WFDC9: variants seen among roughly 807,000 people sequenced by gnomAD.
The protein encoded by WFDC9 is WAP four-disulfide core domain 9, also known as protein WFDC9.
WFDC9 carries 9 observed loss-of-function variants against 9.5 expected under a neutral mutation model. The ratio of observed to expected loss-of-function variants is 0.95; its 90% CI spans 0.57 to 1.65. The LOEUF (loss-of-function observed/expected upper bound fraction) is 1.65, where lower values mean the gene tolerates loss of function less well. Ranked by LOEUF, WFDC9 falls within the 40% of genes most tolerant of loss-of-function variation. The probability of loss-of-function intolerance (pLI) is 0.00; values close to 1 mark genes in which losing one functional copy is unlikely to be tolerated. For missense variants in WFDC9, 87 were observed against 106.7 expected (o/e 0.82, Z 0.81); for synonymous variants, 33 against 32.3 (o/e 1.02, Z -0.07).
At chr20:45,608,180 A>C (rs778078534) in intron 4 of WFDC9, 40 bp from the exon 5 acceptor site, 14 of 1,591,076 alleles carry the variant, frequency 8.8e-6, no homozygotes, top group African/African-American at 1.4e-5. Flanking sequence ...GAATCCTGGG[A>C]TAAATCCATT....
intron 2 of WFDC9, among the ~76,000 whole-genome samples, chr20:45,610,803 G>A (rs1981843635): frequency 6.6e-6 from 1 of 152,194 alleles, no homozygotes; most frequent in Non-Finnish European, 1.5e-5. Context: ...TCCAAAGTTG[G>A]AGGAATTGTA....
At chr20:45,613,539 A>C (rs922639092) in intron 2 of WFDC9, among the ~76,000 whole-genome samples, 1 of 152,216 alleles carries the variant, frequency 6.6e-6, no homozygotes, top group Admixed American at 6.5e-5. Context: ...CAGAGGCAAA[A>C]GCAGCAACAT....
At position 45,614,974 on chromosome 20, in the gene WFDC9, C is replaced by T. The variant is rs192166946; in HGVS notation, c.-152-253G>A. ...CCCAGCAGACCCAAAGTACATGTTC[C>T]CAAAGTCTCTCAAATACATCTCAGT... On this transcript the variant is annotated intron_variant, in intron 1 of 4. Transcript: ENST00000326000. Among the ~76,000 whole-genome samples the T allele has an allele frequency of 5.3e-5, 8 of 152,212 alleles. No individual in the cohort carries two copies. The East Asian group carries it at 1.5e-3, about 29-fold the overall frequency.
chr20:45,617,093 A>G (rs906087862), intron 1 of WFDC9, among the ~76,000 whole-genome samples: 1 of 152,154 alleles, frequency 6.6e-6, no homozygotes, highest in Non-Finnish European at 1.5e-5. Flanking sequence ...TATTGTAGCC[A>G]CCTTCATCAA....
Position 45,616,778 on chromosome 20 carries a change from G to T in WFDC9, c.-152-2057C>A, listed in dbSNP as rs556558762. 2.0e-5 allele frequency among the ~76,000 whole-genome samples: 3 copies of T among 152,168 alleles called. 1 individual carries two copies. Among genetic ancestry groups the T allele is most frequent in the East Asian group, 1.9e-4 (1 of 5,182 alleles). ...TGACCAAAATCTTTTTTTCTGAGCC[G>T]TAGGCCTCAACAGTGGGCTTAAAAT... On this transcript the variant is annotated intron_variant, in intron 1 of 4. Coordinates refer to ENST00000326000, the MANE Select transcript of WFDC9 (RefSeq NM_147198.4).
At chr20:45,621,195 T>G (rs1982089842) in intron 1 of WFDC9, among the ~76,000 whole-genome samples, 1 of 152,242 alleles carries the variant, frequency 6.6e-6, no homozygotes, top group African/African-American at 2.4e-5. Context: ...CTTAAAGATT[T>G]CTAAAACTTC....
intron 3 of WFDC9, among the ~76,000 whole-genome samples, chr20:45,609,044 C>T (rs1008679010): frequency 1.4e-4 from 21 of 152,092 alleles, no homozygotes; most frequent in African/African-American, 4.1e-4. Flanking sequence ...AAAGATAGGA[C>T]CTGGGACACC....
At chr20:45,613,477 C>T (rs1981904485) in intron 2 of WFDC9, among the ~76,000 whole-genome samples, 1 of 152,188 alleles carries the variant, frequency 6.6e-6, no homozygotes, top group Non-Finnish European at 1.5e-5. Context: ...GTTTTAGGCA[C>T]ATGTCATTAG....
At chr20:45,629,628 C>T (rs1600925872) in intron 1 of WFDC9, 5 of 574,490 alleles carry the variant, frequency 8.7e-6, no homozygotes, top group Middle Eastern at 3.3e-4. Context: ...TCCCACATGA[C>T]GAACGACAAG....
intron 1 of WFDC9, among the ~76,000 whole-genome samples, chr20:45,622,159 GT>G (rs1282554696): frequency 6.7e-6 from 1 of 148,430 alleles, no homozygotes; most frequent in Non-Finnish European, 1.5e-5. Context: ...CACTTGAAAA[GT>G]TTTTACCTTA....
intron 3 of WFDC9, among the ~76,000 whole-genome samples, chr20:45,609,047 G>T (rs1354740880): frequency 6.6e-6 from 1 of 152,038 alleles, no homozygotes; most frequent in African/African-American, 2.4e-5. Flanking sequence ...GATAGGACCT[G>T]GGACACCCTG....
chr20:45,608,862 A>C (rs1600915685), intron 3 of WFDC9, 52 bp from the exon 4 acceptor site: 1 of 1,538,246 alleles, frequency 6.5e-7, no homozygotes, highest in Non-Finnish European at 8.7e-7. Context: ...CAGACAAGAA[A>C]CCTTTTCTAA....
intron 4 of WFDC9, 132 bp downstream of exon 4, chr20:45,608,531 G>A: frequency 1.8e-6 from 2 of 1,126,028 alleles, no homozygotes. Context: ...TAGGTTTGGA[G>A]ATAGGAGGAC....
chr20:45,625,684 G>A (rs6104252), intron 1 of WFDC9, among the ~76,000 whole-genome samples: 26,572 of 151,804 alleles, frequency 0.18, 2,504 homozygotes, highest in East Asian at 0.32. Flanking sequence ...TCTGCATATG[G>A]ATATCCAGTT....
chr20:45,628,327 C>T (rs1010810622), intron 1 of WFDC9, among the ~76,000 whole-genome samples: 4 of 152,158 alleles, frequency 2.6e-5, no homozygotes, highest in African/African-American at 9.7e-5. Flanking sequence ...TTGTTGTCAT[C>T]TATACTGAGC....
At chr20:45,624,930 G>T (rs1051898892) in intron 1 of WFDC9, among the ~76,000 whole-genome samples, 1 of 152,002 alleles carries the variant, frequency 6.6e-6, no homozygotes, top group Non-Finnish European at 1.5e-5. Context: ...TTTTTAAATT[G>T]GATTGTTTGT....
chr20:45,624,313 G>C (rs527645313), intron 1 of WFDC9, among the ~76,000 whole-genome samples: 1 of 152,200 alleles, frequency 6.6e-6, no homozygotes, highest in Non-Finnish European at 1.5e-5. Context: ...GTGAGACTAT[G>C]TGTTGTTTAA....
chr20:45,629,641 CA>C (rs1164147060), intron 1 of WFDC9: 3 of 748,928 alleles, frequency 4.0e-6, no homozygotes, highest in South Asian at 2.2e-5. Flanking sequence ...ACGACAAGGC[CA>C]GGGGCAAGCA....
At chr20:45,629,925 T>C in intron 1 of WFDC9, 1 of 1,611,350 alleles carries the variant, frequency 6.2e-7, no homozygotes, top group Non-Finnish European at 8.5e-7. Context: ...GGCTGCTGGA[T>C]GGGTGAGGGG....
Sources: allele counts gnomAD v4.1 joint callset (sites outside exome capture counted in the v4.1 genomes callset), GRCh38; gene constraint gnomAD v4.1.1; transcripts MANE v1.5; gene names NCBI Gene and HGNC (gene_info 2026-07-23, HGNC 2026-07-21).